Variants in CASZ1 observed in about 807,000 individuals in gnomAD.
The protein encoded by CASZ1 is zinc finger protein castor homolog 1.
Under a neutral mutation model 135.2 loss-of-function variants are expected in CASZ1, and 28 were observed. The ratio of observed to expected loss-of-function variants is 0.21; its 90% confidence interval spans 0.15 to 0.28. CASZ1 has a LOEUF of 0.28. Ranked by LOEUF, CASZ1 falls within the 10% of genes least tolerant of loss-of-function variation. CASZ1 has a pLI of 1.00. For missense variants in CASZ1, 2,161 were observed against 2,453.3 expected (o/e 0.88, Z 2.52); for synonymous variants, 1,068 against 1,073.4 (o/e 0.99, Z 0.10).
chr1:10,651,401 G>C (rs938791029), intron 11 of CASZ1: 1 of 227,720 alleles, frequency 4.4e-6, no homozygotes, highest in East Asian at 9.7e-5. Context: ...TGGGGCTGCC[G>C]CTTAGGCTTT....
chr1:10,692,430 G>A (rs1208594168), intron 4 of CASZ1, among the ~76,000 whole-genome samples: 1 of 152,078 alleles, frequency 6.6e-6, no homozygotes, highest in Non-Finnish European at 1.5e-5. Context: ...AGGGGGTGGG[G>A]CCTGAGAGGG....
At chr1:10,661,984 T>C (rs1028208562) in intron 5 of CASZ1, among the ~76,000 whole-genome samples, 3 of 132,244 alleles carry the variant, frequency 2.3e-5, no homozygotes, top group African/African-American at 8.7e-5. Context: ...CCCAGTTAAT[T>C]ACATGCACAC....
intron 5 of CASZ1, among the ~76,000 whole-genome samples, chr1:10,663,758 C>G (rs532201483): frequency 1.3e-5 from 2 of 152,240 alleles, no homozygotes; most frequent in Non-Finnish European, 2.9e-5. Flanking sequence ...CAGCGCTCAG[C>G]GCTGAGTAGG....
At chr1:10,691,250 G>A (rs895086915) in intron 4 of CASZ1, among the ~76,000 whole-genome samples, 22 of 152,092 alleles carry the variant, frequency 1.4e-4, no homozygotes, top group African/African-American at 5.1e-4. Context: ...CTGTCATCTC[G>A]GGGCCTGGTG....
At chr1:10,648,970 G>T in intron 15 of CASZ1, 100 bp downstream of exon 15, 1 of 1,479,976 alleles carries the variant, frequency 6.8e-7, no homozygotes. Flanking sequence ...AGCTTCTGTG[G>T]CCCAGCGGGA....
intron 15 of CASZ1, 169 bp from the exon 16 acceptor site, chr1:10,648,308 CA>C: frequency 1.8e-6 from 1 of 545,922 alleles, no homozygotes; most frequent in East Asian, 3.1e-5. Flanking sequence ...GACTGGAGGG[CA>C]AACTGCAGCG....
chr1:10,654,618 C>T (rs372947024), intron 9 of CASZ1, 27 bp from the exon 10 acceptor site: 40 of 1,603,994 alleles, frequency 2.5e-5, no homozygotes, highest in Non-Finnish European at 3.0e-5. Flanking sequence ...GGTGGTCAGG[C>T]GAACGGAGGC....
rs757360410 is a variant in CASZ1, at chr1:10,660,486, G to T, written c.556C>A (p.Leu186Ile). 6.2e-7 allele frequency: 1 copy of T among 1,614,048 alleles called. No individual in the cohort carries two copies. The highest frequency in any genetic ancestry group is 1.7e-5 in the Admixed American group (1 of 60,024). The change falls in exon 6 of 21, where the codon CTC (leucine) becomes ATC (isoleucine). Residue 186 changes from leucine to isoleucine, a missense_variant. By Grantham distance (5) the Leu-to-Ile change is conservative (BLOSUM62 2). Coordinates refer to ENST00000377022, the MANE Select transcript of CASZ1 (RefSeq NM_001079843.3). ...TGGTCATCATAGCCAAACATGCCGAGGAACTCGGTCATGGTGGAGGCCGCG... is the reference window on the plus strand; with the variant it reads ...TGGTCATCATAGCCAAACATGCCGATGAACTCGGTCATGGTGGAGGCCGCG... The part of the protein sequence containing the change: ...DYAASTMTEF[L>I]GMFGYDDQNT...
chr1:10,717,330 C>T lies in CASZ1; in HGVS notation c.-76-11786G>A, dbSNP rs1273424482. Among the ~76,000 whole-genome samples, 1 of 152,136 alleles carries T rather than the reference C, an allele frequency of 6.6e-6. No homozygotes were observed. The highest frequency in any genetic ancestry group is 2.4e-5 in the African/African-American group (1 of 41,424). ...CACTTGGCTTCTCTGCCTTTCTGTC[C>T]GATGCATCTTTCCTGCCTTGCCGTG... On this transcript the variant is annotated intron_variant, in intron 2 of 20. Transcript: ENST00000377022. This position sits in a 1 kb window ranked among gnomAD's most constrained non-coding sequence, Gnocchi z 4.6.
chr1:10,758,512 A>G (rs1001335341), intron 2 of CASZ1, among the ~76,000 whole-genome samples: 1 of 151,984 alleles, frequency 6.6e-6, no homozygotes, highest in African/African-American at 2.4e-5. Context: ...TTGTATTTTT[A>G]GTAGAGATGG....
chr1:10,780,560 T>TG (rs1401604463), intron 1 of CASZ1, among the ~76,000 whole-genome samples: 1 of 152,198 alleles, frequency 6.6e-6, no homozygotes, highest in Admixed American at 6.5e-5. Flanking sequence ...GTAAAATACA[T>TG]GTTTAATAAA....
In CASZ1 at chr1:10,665,172, G is replaced by T. The variant is rs1284717722; in HGVS notation, c.416C>A (p.Pro139His). The part of the protein sequence containing the change: ...CSDEEDHAEE[P>H]SKDGGALEEK... ...CTCCAGGGCACCGCCGTCCTTGGAG[G>T]GCTCCTCCGCGTGGTCTTCCTCATC... is the stretch of plus-strand genomic sequence containing the variant. The change falls in exon 5 of 21, where the codon CCC becomes CAC. Residue 139 changes from proline to histidine, a missense_variant. Around this residue, in one of 7 missense-constraint regions of CASZ1, gnomAD observed 590 missense variants for 609.8 expected, o/e 0.97. Transcript: ENST00000377022. The T allele has an allele frequency of 2.2e-5, 35 of 1,559,406 alleles. No individual in the cohort carries two copies. The highest frequency in any genetic ancestry group is 3.0e-5 in the Non-Finnish European group (35 of 1,149,744).
chr1:10,677,323 T>C (rs1205004975), intron 4 of CASZ1, among the ~76,000 whole-genome samples: 2 of 151,512 alleles, frequency 1.3e-5, no homozygotes, highest in African/African-American at 4.9e-5. Flanking sequence ...AGGGGAAGGA[T>C]TGACAGAGGG....
chr1:10,671,406 C>A (rs1486125483), intron 4 of CASZ1, among the ~76,000 whole-genome samples: 2 of 152,216 alleles, frequency 1.3e-5, no homozygotes, highest in African/African-American at 4.8e-5. Flanking sequence ...CAGAGTGCTG[C>A]GTGTGGTCGT....
At chr1:10,746,019 C>A (rs1336199006) in intron 2 of CASZ1, among the ~76,000 whole-genome samples, 3 of 152,260 alleles carry the variant, frequency 2.0e-5, no homozygotes, top group African/African-American at 4.8e-5. Context: ...AGAGGGAAGC[C>A]TGTGGCGTGC....
intron 3 of CASZ1, among the ~76,000 whole-genome samples, chr1:10,703,715 C>A (rs897498978): frequency 6.6e-6 from 1 of 152,084 alleles, no homozygotes; most frequent in Admixed American, 6.5e-5. Flanking sequence ...ACCTCTCGAG[C>A]GGGGGCCGGA....
At position 10,737,655 on chromosome 1, in the gene CASZ1, G is replaced by A. The variant is rs916908577; in HGVS notation, c.-77+23046C>T. Among the ~76,000 whole-genome samples the A allele has an allele frequency of 3.3e-5, 5 of 152,350 alleles. No homozygotes were observed. The East Asian group carries it at 5.8e-4, about 18-fold the overall frequency. On this transcript the variant is annotated intron_variant, in intron 2 of 20. Coordinates refer to ENST00000377022, the MANE Select transcript of CASZ1 (RefSeq NM_001079843.3). ...AGGGTTGGGGTCTGTGGGCTGCCAC[G>A]GGGGACCCTCAGCTCCATTAGCCTC... is the stretch of plus-strand genomic sequence containing the variant.
intron 2 of CASZ1, among the ~76,000 whole-genome samples, chr1:10,718,020 G>A (rs183610511): frequency 7.9e-5 from 12 of 152,364 alleles, no homozygotes; most frequent in African/African-American, 2.9e-4. Context: ...ACTCAGCAAA[G>A]CCTGACTTCA....
At position 10,653,500 on chromosome 1, in the gene CASZ1, C is replaced by G. The variant is rs576823495; in HGVS notation, c.2557G>C (p.Ala853Pro). The G allele has an allele frequency of 6.2e-7, 1 of 1,610,834 alleles. No individual in the cohort carries two copies. Among genetic ancestry groups the G allele is most frequent in the Non-Finnish European group, 8.5e-7 (1 of 1,178,502 alleles). Residue 853 changes from alanine to proline, a missense_variant, in exon 11 of 21, where the codon GCC (alanine) becomes CCC (proline). This residue lies in a region of CASZ1 where 406 missense variants were observed against 387.6 expected (regional missense o/e 1.05). Coordinates refer to ENST00000377022, the MANE Select transcript of CASZ1 (RefSeq NM_001079843.3). Reference protein sequence around the residue: ...GAGDSAPVAAASVPAPPASIM... With the variant: ...GAGDSAPVAAPSVPAPPASIM... ...GAGGCGGGTGGTGCCGGGACAGAGG[C>G]GGCAGCCACGGGGGCTGAGTCTCCA...
Sources: allele counts gnomAD v4.1 joint callset (sites outside exome capture counted in the v4.1 genomes callset), GRCh38; gene constraint gnomAD v4.1.1; regional missense constraint gnomAD v4.1.1; non-coding constraint Gnocchi (gnomAD v3.1); transcripts MANE v1.5; gene names NCBI Gene and HGNC (gene_info 2026-07-23, HGNC 2026-07-21).